CADM2: variants seen among roughly 807,000 people sequenced by gnomAD.
CADM2 encodes immunoglobulin superfamily member 4D.
CADM2 carries 12 observed loss-of-function variants against 49.8 expected under a neutral mutation model. The ratio of observed to expected loss-of-function variants is 0.24; its 90% CI spans 0.15 to 0.39. The LOEUF (loss-of-function observed/expected upper bound fraction) is 0.39, where lower values mean the gene tolerates loss of function less well. Among genes scored for constraint, CADM2 ranks in the 10% least tolerant of loss-of-function variants. The pLI is 1.00. For missense variants in CADM2, 378 were observed against 492.3 expected, an observed-to-expected ratio of 0.77 and a Z score of 2.20; for synonymous variants, 214 against 175.4, an observed-to-expected ratio of 1.22 and a Z score of -1.74.
At chr3:85,971,228 G>A (rs532195689) in intron 8 of CADM2, among the ~76,000 whole-genome samples, 4 of 151,612 alleles carry the variant, frequency 2.6e-5, no homozygotes, top group African/African-American at 4.8e-5. Flanking sequence ...ATGGACTCTC[G>A]TATGTCCTGA....
chr3:85,078,735 T>C (rs2037046790), intron 1 of CADM2, among the ~76,000 whole-genome samples: 1 of 151,650 alleles, frequency 6.6e-6, no homozygotes, highest in Admixed American at 6.6e-5. Context: ...TAGGGGAAAA[T>C]ATAGCCGGTA....
chr3:85,836,477 GGA>G (rs1235857888), intron 3 of CADM2, among the ~76,000 whole-genome samples: 2 of 151,626 alleles, frequency 1.3e-5, no homozygotes, highest in Non-Finnish European at 3.0e-5. Context: ...AATCAATAGT[GGA>G]GGTCAGGATT....
rs1385489566 is a variant in CADM2, at chr3:85,073,721, G to A, written c.61+114053G>A. On this transcript the variant is annotated intron_variant, in intron 1 of 9. Transcript: ENST00000383699. Reference sequence around the variant, plus strand: ...AAACCAATCTATCCAATATATGATCGTTTCAATACATAATTGAAAATGAAA... The same window carrying A: ...AAACCAATCTATCCAATATATGATCATTTCAATACATAATTGAAAATGAAA... Among the ~76,000 whole-genome samples, 5 of 152,002 alleles carry A rather than the reference G, an allele frequency of 3.3e-5. No individual in the cohort carries two copies. In the South Asian group the frequency reaches 1.0e-3, roughly 32 times the overall value.
At chr3:85,310,275 A>G (rs2044311520) in intron 1 of CADM2, among the ~76,000 whole-genome samples, 1 of 151,362 alleles carries the variant, frequency 6.6e-6, no homozygotes, top group Admixed American at 6.6e-5. Context: ...TGTGATACTG[A>G]TGATAAAATT....
At chr3:85,875,337 A>G in intron 3 of CADM2, among the ~76,000 whole-genome samples, 1 of 152,198 alleles carries the variant, frequency 6.6e-6, no homozygotes. Flanking sequence ...AAATAAAATA[A>G]CATTTTGATA....
chr3:85,883,140 A>G, intron 3 of CADM2, 151 bp from the exon 4 acceptor site: 1 of 602,500 alleles, frequency 1.7e-6, no homozygotes, highest in Non-Finnish European at 2.7e-6. Flanking sequence ...ATTTCAATAT[A>G]TTTAAACTTT....
At chr3:85,988,983 G>A (rs760434865) in intron 8 of CADM2, among the ~76,000 whole-genome samples, 8 of 152,130 alleles carry the variant, frequency 5.3e-5, no homozygotes, top group Admixed American at 1.3e-4. Flanking sequence ...TTTAAAAAGC[G>A]GGTTCTATAA....
intron 1 of CADM2, among the ~76,000 whole-genome samples, chr3:85,063,608 A>C (rs1236462879): frequency 6.6e-6 from 1 of 152,066 alleles, no homozygotes; most frequent in Non-Finnish European, 1.5e-5. Flanking sequence ...TAGAAGGTAC[A>C]AAATTTCAGT....
intron 9 of CADM2, 118 bp from the exon 10 acceptor site, chr3:86,066,547 G>A (rs1243068119): frequency 2.1e-5 from 15 of 720,736 alleles, no homozygotes; most frequent in Middle Eastern, 6.9e-4. Context: ...AGAGTCAATC[G>A]GGTAGCATAT....
chr3:85,421,864 T>C (rs1314309131), intron 1 of CADM2, among the ~76,000 whole-genome samples: 1 of 152,224 alleles, frequency 6.6e-6, no homozygotes, highest in African/African-American at 2.4e-5. Flanking sequence ...GCACTAAGTA[T>C]CAAAACGAAC....
At position 86,012,948 on chromosome 3, in the gene CADM2, C is replaced by T; in HGVS notation, c.970+51301C>T. On this transcript the variant is annotated intron_variant, in intron 8 of 9. Transcript: ENST00000383699. ...CGAGATCGCGCCACTGCACTCCAGC[C>T]TGGGCGACAGCGAGACTCCATCTCA... The T allele has an allele frequency of 1.0e-5, 7 of 686,752 alleles. 1 individual carries two copies. The South Asian group carries it at 1.0e-4, about 10-fold the overall frequency. The allele number at this position is 686,752 out of a possible 1,614,324, so 42.5% of individuals were successfully genotyped here.
chr3:85,605,120 T>G (rs775090896), intron 1 of CADM2, among the ~76,000 whole-genome samples: 2 of 152,076 alleles, frequency 1.3e-5, no homozygotes, highest in African/African-American at 4.8e-5. Flanking sequence ...GAATAGATTT[T>G]GTACTCATAA....
chr3:85,031,919 G>A (rs936387034), intron 1 of CADM2, among the ~76,000 whole-genome samples: 3 of 152,092 alleles, frequency 2.0e-5, no homozygotes, highest in Admixed American at 2.0e-4. Context: ...CTCCAGTATA[G>A]GAATTTTTTC....
chr3:85,566,113 G>T (rs547624414), intron 1 of CADM2, among the ~76,000 whole-genome samples: 1 of 152,038 alleles, frequency 6.6e-6, no homozygotes, highest in Non-Finnish European at 1.5e-5. Context: ...TCCAAATACT[G>T]CTAATACAAA....
intron 1 of CADM2, among the ~76,000 whole-genome samples, chr3:85,652,870 C>T (rs996483629): frequency 5.1e-5 from 7 of 136,800 alleles, no homozygotes; most frequent in African/African-American, 1.1e-4. Flanking sequence ...CTGTGCCTCC[C>T]GGGTTCAAGT....
intron 1 of CADM2, among the ~76,000 whole-genome samples, chr3:85,426,799 C>T (rs1401049628): frequency 1.3e-5 from 2 of 151,914 alleles, no homozygotes; most frequent in Non-Finnish European, 2.9e-5. Flanking sequence ...CCAGAACTAC[C>T]TGCTTTAACA....
chr3:85,944,987 G>T (rs1411687967), intron 7 of CADM2, among the ~76,000 whole-genome samples: 7 of 152,020 alleles, frequency 4.6e-5, no homozygotes, highest in African/African-American at 9.7e-5. Flanking sequence ...GTGAATCCAG[G>T]AGCTGGTTTT....
rs146872573 is a variant in CADM2 at position 85,331,567 on chromosome 3, G to T, written c.61+371899G>T. On this transcript the variant is annotated intron_variant, in intron 1 of 9. Coordinates refer to ENST00000383699, the MANE Select transcript of CADM2 (RefSeq NM_001167675.2). Reference sequence around the variant, plus strand: ...GGCCTTTTTGAGAGAAAAATAATAAGTATTTGAGAATAAGAGTTTTACTTA... The same window carrying T: ...GGCCTTTTTGAGAGAAAAATAATAATTATTTGAGAATAAGAGTTTTACTTA... Among the ~76,000 whole-genome samples the T allele has an allele frequency of 1.0e-3, 155 of 151,656 alleles. 1 individual carries two copies. In the East Asian group the frequency reaches 0.028, roughly 28 times the overall value.
intron 1 of CADM2, among the ~76,000 whole-genome samples, chr3:85,505,339 A>C (rs2107673960): frequency 6.6e-6 from 1 of 152,366 alleles, no homozygotes; most frequent in Middle Eastern, 3.4e-3. Flanking sequence ...ACAGGATCAC[A>C]TTACACAGTG....
Sources: allele counts gnomAD v4.1 joint callset (sites outside exome capture counted in the v4.1 genomes callset), GRCh38; gene constraint gnomAD v4.1.1; transcripts MANE v1.5; gene names NCBI Gene and HGNC (gene_info 2026-07-23, HGNC 2026-07-21).